Variants in MYO9B observed in about 807,000 individuals in gnomAD.
MYO9B encodes the protein unconventional myosin-IXb.
MYO9B carries 71 observed loss-of-function variants against 229.5 expected under a neutral mutation model. The ratio of observed to expected loss-of-function variants is 0.31; its 90% CI spans 0.26 to 0.38. MYO9B has a LOEUF of 0.38. Ranked by LOEUF, MYO9B falls within the 10% of genes least tolerant of loss-of-function variation. MYO9B has a pLI of 1.00. For synonymous variants in MYO9B, 1,185 were observed against 1,235.8 expected, an observed-to-expected ratio of 0.96 and a Z score of 0.86; for missense variants, 2,255 against 2,920.5, an observed-to-expected ratio of 0.77 and a Z score of 5.25.
intron 14 of MYO9B, among the ~76,000 whole-genome samples, chr19:17,177,100 C>G (rs2072798857): frequency 6.6e-6 from 1 of 152,070 alleles, no homozygotes; most frequent in Non-Finnish European, 1.5e-5. Context: ...ACTCGAGAGG[C>G]TGAGGCAGGA....
intron 16 of MYO9B, among the ~76,000 whole-genome samples, chr19:17,184,193 G>T (rs188493101): frequency 2.0e-5 from 3 of 152,270 alleles, no homozygotes; most frequent in Admixed American, 1.3e-4. Flanking sequence ...GTCCCATGGG[G>T]AGCTCTAGTG....
intron 1 of MYO9B, among the ~76,000 whole-genome samples, chr19:17,076,160 TA>T (rs1207209202): frequency 7.0e-6 from 1 of 143,602 alleles, no homozygotes; most frequent in Non-Finnish European, 1.5e-5. Context: ...GCTTAAGTGG[TA>T]ATTGGGGGGT....
At position 17,200,428 on chromosome 19, in the gene MYO9B, T is replaced by C; in HGVS notation, c.4372+2T>C. 1 of 1,570,670 alleles carries C rather than the reference T, an allele frequency of 6.4e-7. No homozygotes were observed. Among genetic ancestry groups the C allele is most frequent in the Non-Finnish European group, 8.6e-7 (1 of 1,157,728 alleles). ...CCACCATGAAGAAGGGCCTGGAAGG[T>C]TGGTAGCCTGCAGCCTCAGGGACAG... On this transcript the variant is annotated splice_donor_variant, in intron 25 of 39. Coordinates refer to ENST00000682292, the MANE Select transcript of MYO9B (RefSeq NM_004145.4). LOFTEE classifies it high-confidence loss of function.
intron 10 of MYO9B, among the ~76,000 whole-genome samples, chr19:17,167,574 T>G (rs8112726): frequency 0.7 from 105,383 of 150,586 alleles, 37,263 homozygotes; most frequent in African/African-American, 0.79. Context: ...CCACTTCCCG[T>G]GTTCAAGCGA....
chr19:17,180,280 G>C (rs1312564455), intron 14 of MYO9B, among the ~76,000 whole-genome samples: 1 of 147,158 alleles, frequency 6.8e-6, no homozygotes, highest in East Asian at 2.0e-4. Flanking sequence ...TTAAATATGA[G>C]AACTTTTTCA....
chr19:17,200,888 A>T, intron 26 of MYO9B, 59 bp downstream of exon 26: 1 of 1,559,558 alleles, frequency 6.4e-7, no homozygotes, highest in Non-Finnish European at 8.8e-7. Flanking sequence ...GAACCATCAC[A>T]GCCAGGCATT....
intron 10 of MYO9B, among the ~76,000 whole-genome samples, chr19:17,163,372 C>CTTT (rs3031315): frequency 0.028 from 2,581 of 92,272 alleles, 184 homozygotes; most frequent in East Asian, 0.094. Flanking sequence ...CCCCATTCCA[C>CTTT]TTTTTTTTTT....
At chr19:17,155,879 G>A (rs1198295326) in intron 6 of MYO9B, among the ~76,000 whole-genome samples, 1 of 152,168 alleles carries the variant, frequency 6.6e-6, no homozygotes, top group Non-Finnish European at 1.5e-5. Context: ...AATTAGCCAT[G>A]CATGATGGTG....
At chr19:17,153,384 T>TAAAA (rs79301576) in intron 4 of MYO9B, among the ~76,000 whole-genome samples, 1 of 136,062 alleles carries the variant, frequency 7.3e-6, no homozygotes, top group Non-Finnish European at 1.6e-5. Context: ...TTGTCTCTTT[T>TAAAA]AAAAAAAAAA....
chr19:17,162,840 T>G, intron 9 of MYO9B, 148 bp from the exon 10 acceptor site: 1 of 914,100 alleles, frequency 1.1e-6, no homozygotes, highest in Non-Finnish European at 1.6e-6. Context: ...AAATTATGGA[T>G]TCCATGCTGG....
chr19:17,103,052 A>G (rs1180585789), intron 2 of MYO9B, among the ~76,000 whole-genome samples: 4 of 133,952 alleles, frequency 3.0e-5, no homozygotes, highest in African/African-American at 2.7e-5. Context: ...CCCCCTCTCT[A>G]CAAAAAAAAA....
Position 17,196,348 on chromosome 19 carries a change from G to A in MYO9B, c.4046+875G>A, listed in dbSNP as rs141677388. 5.1e-4 allele frequency among the ~76,000 whole-genome samples: 78 copies of A among 152,232 alleles called. No homozygotes were observed. In the East Asian group the frequency reaches 0.015, roughly 29 times the overall value. On this transcript the variant is annotated intron_variant, in intron 22 of 39. Coordinates refer to ENST00000682292, the MANE Select transcript of MYO9B (RefSeq NM_004145.4). The stretch of plus-strand genomic sequence containing the variant: ...AGAAGACAGGTAGTAATGATGGATA[G>A]AGGCATGGATGGATGGATGATACAG...
chr19:17,167,404 A>T (rs1023492649), intron 10 of MYO9B, among the ~76,000 whole-genome samples: 2 of 150,254 alleles, frequency 1.3e-5, no homozygotes, highest in African/African-American at 4.9e-5. Flanking sequence ...GTTACTTTTT[A>T]TGTCAGTTAC....
intron 1 of MYO9B, among the ~76,000 whole-genome samples, chr19:17,077,652 T>C (rs2057498657): frequency 6.6e-6 from 1 of 152,092 alleles, no homozygotes; most frequent in Admixed American, 6.6e-5. Context: ...AATGAATGAA[T>C]TGACCTCCAT....
At chr19:17,118,430 G>A (rs1464118885) in intron 2 of MYO9B, among the ~76,000 whole-genome samples, 4 of 151,890 alleles carry the variant, frequency 2.6e-5, no homozygotes, top group Non-Finnish European at 4.4e-5. Flanking sequence ...GCGAGAGCCT[G>A]TCTCTATATT....
intron 35 of MYO9B, 39 bp from the exon 36 acceptor site, chr19:17,209,547 G>A (rs2073202042): frequency 2.6e-6 from 4 of 1,556,318 alleles, no homozygotes; most frequent in East Asian, 2.4e-5. Flanking sequence ...TCCCCGGGGC[G>A]GTAACTGAGT....
intron 6 of MYO9B, 93 bp from the exon 7 acceptor site, chr19:17,156,816 C>A: frequency 7.0e-7 from 1 of 1,427,466 alleles, no homozygotes; most frequent in Non-Finnish European, 9.5e-7. Flanking sequence ...CCAGAATTTG[C>A]TGGTTTTATG....
chr19:17,135,418 A>T (rs904059977), intron 2 of MYO9B, among the ~76,000 whole-genome samples: 1 of 151,842 alleles, frequency 6.6e-6, no homozygotes, highest in Admixed American at 6.6e-5. Flanking sequence ...CCGGGGTCCC[A>T]CTTCCTCCCT....
In MYO9B at chr19:17,194,451, G is replaced by A. The variant is rs972639547; in HGVS notation, c.3129-105G>A. Reference sequence around the variant, plus strand: ...TCTCTCAGGGCCACTGGGCACAGGCGAAGCCCCGTCTGCAGCCCGCAGGCT... The same window carrying A: ...TCTCTCAGGGCCACTGGGCACAGGCAAAGCCCCGTCTGCAGCCCGCAGGCT... On this transcript the variant is annotated intron_variant, in intron 21 of 39. Transcript: ENST00000682292. 3.0e-5 allele frequency: 39 copies of A among 1,320,420 alleles called. No individual in the cohort carries two copies. In the African/African-American group the frequency reaches 3.2e-4, roughly 11 times the overall value. 81.8% of individuals were successfully genotyped at this position (1,320,420 alleles called of 1,614,324 possible). A position where few individuals can be genotyped will look rare whatever the true frequency, so the allele number is the denominator to read the frequency against.
Sources: gnomAD v4.1 joint callset for allele counts (sites outside exome capture counted in the v4.1 genomes callset) on GRCh38, gnomAD v4.1.1 for gene constraint, MANE v1.5 for transcripts, NCBI Gene and HGNC (gene_info 2026-07-23, HGNC 2026-07-21) for gene names.